TMTC2: variants seen among roughly 807,000 people sequenced by gnomAD.
TMTC2 encodes the protein transmembrane O-mannosyltransferase targeting cadherins 2, also known as protein O-mannosyl-transferase TMTC2.
TMTC2 carries 43 observed loss-of-function variants against 82.4 expected under a neutral mutation model. The observed-to-expected ratio is 0.52, with a 90% CI of 0.41 to 0.67. TMTC2 has a LOEUF of 0.67. Among genes scored for constraint, TMTC2 ranks in the 30% least tolerant of loss-of-function variants. The pLI is 0.00. For missense variants in TMTC2, 919 were observed against 1,012.4 expected (o/e 0.91, Z 1.25); for synonymous variants, 408 against 381.9 (o/e 1.07, Z -0.80).
At chr12:82,826,076 C>T (rs1279632095) in intron 1 of TMTC2, among the ~76,000 whole-genome samples, 1 of 152,186 alleles carries the variant, frequency 6.6e-6, no homozygotes, top group Non-Finnish European at 1.5e-5. Context: ...AAGCTGATTT[C>T]CCAACTTCAT....
At chr12:83,072,895 T>C (rs1243493378) in intron 11 of TMTC2, among the ~76,000 whole-genome samples, 1 of 152,162 alleles carries the variant, frequency 6.6e-6, no homozygotes, top group Non-Finnish European at 1.5e-5. Context: ...TCCTTATATG[T>C]TAAGTAGTCT....
At chr12:83,112,293 G>T (rs568898058) in intron 11 of TMTC2, among the ~76,000 whole-genome samples, 1 of 152,246 alleles carries the variant, frequency 6.6e-6, no homozygotes, top group South Asian at 2.1e-4. Flanking sequence ...GAGTTGAATA[G>T]ACCTGAAGAC....
chr12:82,958,310 A>G (rs1877720801), intron 4 of TMTC2, among the ~76,000 whole-genome samples: 2 of 146,142 alleles, frequency 1.4e-5, no homozygotes, highest in South Asian at 4.6e-4. Flanking sequence ...AGTTATGATC[A>G]CACCACTATA....
intron 4 of TMTC2, among the ~76,000 whole-genome samples, chr12:82,959,710 G>C (rs1048018499): frequency 2.6e-5 from 4 of 151,900 alleles, no homozygotes; most frequent in Non-Finnish European, 1.5e-5. Flanking sequence ...AGTCCTCAAA[G>C]TGTTAAGAAT....
intron 1 of TMTC2, among the ~76,000 whole-genome samples, chr12:82,814,545 A>G (rs1273766652): frequency 6.6e-6 from 1 of 152,188 alleles, no homozygotes; most frequent in African/African-American, 2.4e-5. Flanking sequence ...CTCCTGCCTT[A>G]AAATTGTTAT....
At chr12:83,115,030 C>T (rs371756282) in intron 11 of TMTC2, among the ~76,000 whole-genome samples, 9 of 152,014 alleles carry the variant, frequency 5.9e-5, no homozygotes, top group East Asian at 3.9e-4. Flanking sequence ...TCTCAAATTT[C>T]AACGTATCTG....
chr12:82,880,161 T>C (rs1872754584), intron 2 of TMTC2, among the ~76,000 whole-genome samples: 1 of 152,216 alleles, frequency 6.6e-6, no homozygotes, highest in Admixed American at 6.5e-5. Context: ...TTAAGAAATA[T>C]GATCCTTACT....
At chr12:82,845,178 G>A (rs1322424508) in intron 1 of TMTC2, among the ~76,000 whole-genome samples, 3 of 130,060 alleles carry the variant, frequency 2.3e-5, no homozygotes, top group Non-Finnish European at 4.6e-5. Flanking sequence ...GCAGTGAGCC[G>A]AGATCGTGCC....
chr12:82,708,187 C>T (rs1873459575), intron 1 of TMTC2, among the ~76,000 whole-genome samples: 1 of 152,084 alleles, frequency 6.6e-6, no homozygotes, highest in Admixed American at 6.5e-5. Context: ...TGGCCCTTAA[C>T]CGAAAAAGTT....
chr12:83,077,616 C>T (rs1386387763), intron 11 of TMTC2, among the ~76,000 whole-genome samples: 1 of 151,794 alleles, frequency 6.6e-6, no homozygotes, highest in Non-Finnish European at 1.5e-5. Context: ...ACTCTGTTGC[C>T]TAGGCTGGAG....
intron 2 of TMTC2, among the ~76,000 whole-genome samples, chr12:82,876,028 C>CGGTGGTGGTGGTGGT (rs748180026): frequency 9.6e-4 from 80 of 83,440 alleles, no homozygotes; most frequent in Middle Eastern, 6.3e-3. Flanking sequence ...GTAGTGGTGG[C>CGGTGGTGGTGGTGGT]GGTGGTGGTG....
chr12:82,954,357 A>AT (rs1268840833), intron 4 of TMTC2, among the ~76,000 whole-genome samples: 2 of 151,710 alleles, frequency 1.3e-5, no homozygotes, highest in Non-Finnish European at 2.9e-5. Flanking sequence ...AACACCTTAC[A>AT]TTTTATCATG....
intron 1 of TMTC2, among the ~76,000 whole-genome samples, chr12:82,752,462 G>A (rs1231506861): frequency 6.6e-6 from 1 of 152,008 alleles, no homozygotes; most frequent in African/African-American, 2.4e-5. Flanking sequence ...CTCCAGCCTG[G>A]GCGACAGAGC....
chr12:83,130,778 T>A (rs1949427), intron 11 of TMTC2, among the ~76,000 whole-genome samples: 100,545 of 152,058 alleles, frequency 0.66, 35,341 homozygotes, highest in African/African-American at 0.91. Context: ...TATTTGTTTA[T>A]TTTTTTCACT....
At chr12:82,986,190 GA>G in intron 8 of TMTC2, 144 bp downstream of exon 8, 1 of 1,071,014 alleles carries the variant, frequency 9.3e-7, no homozygotes, top group Non-Finnish European at 1.3e-6. Flanking sequence ...ACCCTGTACA[GA>G]AAATATAGAA....
chr12:82,974,690 G>A (rs1168966793), intron 7 of TMTC2, among the ~76,000 whole-genome samples: 4 of 152,166 alleles, frequency 2.6e-5, no homozygotes, highest in African/African-American at 9.7e-5. Flanking sequence ...CCTGACAGAG[G>A]AGGCTTTGGA....
intron 7 of TMTC2, among the ~76,000 whole-genome samples, chr12:82,968,804 C>CT (rs763289438): frequency 1.1e-4 from 17 of 152,086 alleles, no homozygotes; most frequent in Non-Finnish European, 2.1e-4. Context: ...AAGTGTGTCC[C>CT]TGGGGGTTAT....
At chr12:82,828,322 T>C (rs995134633) in intron 1 of TMTC2, among the ~76,000 whole-genome samples, 3 of 150,208 alleles carry the variant, frequency 2.0e-5, no homozygotes, top group African/African-American at 7.3e-5. Context: ...CAAGCAATTA[T>C]CCTGCCTCAT....
intron 2 of TMTC2, among the ~76,000 whole-genome samples, chr12:82,876,028 C>CGGTGGTGGTGGTGGTGGTGGTGGTGGT (rs748180026): frequency 9.6e-5 from 8 of 83,486 alleles, no homozygotes; most frequent in East Asian, 3.6e-4. Flanking sequence ...GTAGTGGTGG[C>CGGTGGTGGTGGTGGTGGTGGTGGTGGT]GGTGGTGGTG....
Sources: allele counts gnomAD v4.1 joint callset (sites outside exome capture counted in the v4.1 genomes callset), GRCh38; gene constraint gnomAD v4.1.1; transcripts MANE v1.5; gene names NCBI Gene and HGNC (gene_info 2026-07-23, HGNC 2026-07-21).